The following CNTNAP3B variants were observed in gnomAD, a reference collection of about 807,000 sequenced individuals.
CNTNAP3B encodes contactin associated protein family member 3B.
In CNTNAP3B, 25 loss-of-function variants were observed where a neutral mutation model predicts 108.9. The ratio of observed to expected loss-of-function variants is 0.23; its 90% CI spans 0.17 to 0.32. The LOEUF is 0.32. Ranked by LOEUF, CNTNAP3B falls within the 10% of genes least tolerant of loss-of-function variation. The probability of loss-of-function intolerance (pLI) is 1.00; values close to 1 mark genes in which losing one functional copy is unlikely to be tolerated. For missense variants in CNTNAP3B, 252 were observed against 1,210.4 expected (o/e 0.21, Z 11.75); for synonymous variants, 103 against 473.4 (o/e 0.22, Z 10.16).
chr9:42,002,413 C>T (rs112030463), intron 4 of CNTNAP3B, among the ~76,000 whole-genome samples: 37,746 of 79,348 alleles, frequency 0.48, 13,961 homozygotes, highest in Non-Finnish European at 0.59. Flanking sequence ...ATTATTGGTG[C>T]AATTATAATG....
At chr9:41,982,910 G>T (rs1825659699) in intron 9 of CNTNAP3B, among the ~76,000 whole-genome samples, 2 of 136,282 alleles carry the variant, frequency 1.5e-5, no homozygotes, top group African/African-American at 6.0e-5. Flanking sequence ...GGAGCTGGAG[G>T]CCATTATCCA....
intron 9 of CNTNAP3B, among the ~76,000 whole-genome samples, chr9:41,977,786 A>ATTTTTT (rs71288160): frequency 1.1e-5 from 1 of 90,532 alleles, no homozygotes; most frequent in African/African-American, 5.0e-5. Context: ...TGCCCAGCTA[A>ATTTTTT]TTTTTTTTTT....
chr9:42,055,299 A>ATG (rs1482378764), intron 3 of CNTNAP3B, among the ~76,000 whole-genome samples: 1 of 136,040 alleles, frequency 7.4e-6, no homozygotes, highest in East Asian at 2.3e-4. Flanking sequence ...GAGTATATAT[A>ATG]TATATATACA....
chr9:41,960,606 G>C (rs1345185447), intron 12 of CNTNAP3B, among the ~76,000 whole-genome samples, 167 bp downstream of exon 12: 25 of 152,288 alleles, frequency 1.6e-4, no homozygotes, highest in Non-Finnish European at 3.1e-4. Context: ...CCCAGGCAAA[G>C]AAGAAATACA....
chr9:41,932,304 G>C (rs1313935765), intron 14 of CNTNAP3B, among the ~76,000 whole-genome samples: 1 of 152,036 alleles, frequency 6.6e-6, no homozygotes, highest in Non-Finnish European at 1.5e-5. Context: ...AAGACTTTTT[G>C]CTTTTATTTT....
rs1051256361 is a variant in CNTNAP3B, at chr9:41,927,756, G to A, written c.2365+1561C>T. Among the ~76,000 whole-genome samples, 111 of 152,282 alleles carry A rather than the reference G, an allele frequency of 7.3e-4. No individual in the cohort carries two copies. The East Asian group carries it at 0.017, about 23-fold the overall frequency. On this transcript the variant is annotated intron_variant, in intron 15 of 23. Transcript: ENST00000377561. ...TCAAAGACCCAAACAAAATCACAGA[G>A]GTAACAGAGAAATCGGAAATATCTG...
intron 2 of CNTNAP3B, among the ~76,000 whole-genome samples, chr9:42,088,493 C>A (rs1262025484): frequency 7.2e-6 from 1 of 138,878 alleles, no homozygotes. Context: ...TTTAAAGTTA[C>A]ATATGCTGCT....
In CNTNAP3B at chr9:42,120,500, GC is replaced by G. The variant is rs1461918641; in HGVS notation, c.85+8509del. Among the ~76,000 whole-genome samples the G allele has an allele frequency of 2.9e-5, 4 of 138,078 alleles. 1 individual carries two copies. In the East Asian group the frequency reaches 6.6e-4, roughly 23 times the overall value. The allele number at this position is 138,078 out of a possible 152,430, so 90.6% of individuals were successfully genotyped here. A position where few individuals can be genotyped will look rare whatever the true frequency, so the allele number is the denominator to read the frequency against. ...ATATACCCAAAGGATTATAAATCAT[GC>G]TGCTATAAAGACACATGCACACGTA... is the stretch of plus-strand genomic sequence containing the variant. On this transcript the variant is annotated intron_variant, in intron 1 of 23. Transcript: ENST00000377561.
intron 3 of CNTNAP3B, among the ~76,000 whole-genome samples, chr9:42,076,226 C>G (rs1226084280): frequency 1.4e-5 from 1 of 72,620 alleles, no homozygotes; most frequent in Non-Finnish European, 2.6e-5. Context: ...ACCAGCCTGG[C>G]CAAAATGGCG....
At chr9:41,943,873 T>A (rs952436053) in intron 13 of CNTNAP3B, among the ~76,000 whole-genome samples, 3 of 152,270 alleles carry the variant, frequency 2.0e-5, no homozygotes, top group African/African-American at 7.2e-5. Context: ...ATATTCAAAT[T>A]GCAAAAAATT....
chr9:41,930,176 T>C (rs1823935694), intron 14 of CNTNAP3B, among the ~76,000 whole-genome samples: 1 of 152,284 alleles, frequency 6.6e-6, no homozygotes, highest in Admixed American at 6.5e-5. Flanking sequence ...AAATACATAC[T>C]ACACCCTTAT....
At chr9:41,963,139 T>A (rs1434671497) in intron 11 of CNTNAP3B, among the ~76,000 whole-genome samples, 1 of 152,410 alleles carries the variant, frequency 6.6e-6, no homozygotes, top group South Asian at 2.1e-4. Context: ...TCATTGCATG[T>A]ATGAAGTGTG....
At position 42,119,367 on chromosome 9, in the gene CNTNAP3B, G is replaced by A. The variant is rs1352148922; in HGVS notation, c.85+9643C>T. Among the ~76,000 whole-genome samples, 4 of 133,088 alleles carry A rather than the reference G, an allele frequency of 3.0e-5. 1 individual carries two copies. Among genetic ancestry groups the A allele is most frequent in the South Asian group, 2.5e-4 (1 of 4,028 alleles). The allele number at this position is 133,088 out of a possible 152,430, so 87.3% of individuals were successfully genotyped here. A position where few individuals can be genotyped will look rare whatever the true frequency, so the allele number is the denominator to read the frequency against. On this transcript the variant is annotated intron_variant, in intron 1 of 23. Transcript: ENST00000377561. The stretch of plus-strand genomic sequence containing the variant: ...ATGGAAGAACATTCCATGCTCATGG[G>A]TAGGAAGAATCAGTATCATGAAAAT...
chr9:41,973,138 G>A (rs1198928950), intron 9 of CNTNAP3B, among the ~76,000 whole-genome samples: 3 of 141,550 alleles, frequency 2.1e-5, no homozygotes, highest in African/African-American at 8.0e-5. Context: ...CAGTAGAGAC[G>A]GGGTTTCACC....
chr9:41,916,464 A>G (rs1436521599), intron 18 of CNTNAP3B, among the ~76,000 whole-genome samples: 2 of 152,184 alleles, frequency 1.3e-5, no homozygotes, highest in Non-Finnish European at 2.9e-5. Flanking sequence ...TCTGGGTTAT[A>G]TCCCTTCAAC....
At chr9:41,944,683 C>T (rs1587130687) in intron 13 of CNTNAP3B, among the ~76,000 whole-genome samples, 2 of 151,670 alleles carry the variant, frequency 1.3e-5, no homozygotes, top group Non-Finnish European at 1.5e-5. Context: ...AAATATTAAT[C>T]CAAGTATCAA....
At chr9:41,919,803 A>G (rs1448966959) in intron 18 of CNTNAP3B, among the ~76,000 whole-genome samples, 1 of 152,310 alleles carries the variant, frequency 6.6e-6, no homozygotes, top group African/African-American at 2.4e-5. Flanking sequence ...TTGAAAACCA[A>G]ATTATTTCGA....
chr9:42,106,054 G>C lies in CNTNAP3B; in HGVS notation c.86-1315C>G, dbSNP rs1240438082. 8.3e-5 allele frequency among the ~76,000 whole-genome samples: 2 copies of C among 23,972 alleles called. 1 individual carries two copies. The highest frequency in any genetic ancestry group is 0.02 in the Middle Eastern group (2 of 100). The allele number at this position is 23,972 out of a possible 152,430, so 15.7% of individuals were successfully genotyped here. A position where few individuals can be genotyped will look rare whatever the true frequency, so the allele number is the denominator to read the frequency against. ...AGGGTCTCTCCTGATTTGTTTGGTT[G>C]AGTACATGATACTGCAACAACAGAA... On this transcript the variant is annotated intron_variant, in intron 1 of 23. Coordinates refer to ENST00000377561, the MANE Select transcript of CNTNAP3B (RefSeq NM_001201380.3).
intron 13 of CNTNAP3B, among the ~76,000 whole-genome samples, chr9:41,944,637 A>T (rs1824469553): frequency 1.3e-5 from 2 of 151,870 alleles, no homozygotes; most frequent in South Asian, 4.2e-4. Context: ...AAAAGAAGAA[A>T]CAAGGGCAAC....
Sources: allele counts gnomAD v4.1 joint callset (sites outside exome capture counted in the v4.1 genomes callset), GRCh38; gene constraint gnomAD v4.1.1; transcripts MANE v1.5; gene names NCBI Gene and HGNC (gene_info 2026-07-23, HGNC 2026-07-21).